SLC27A6: variants seen among roughly 807,000 people sequenced by gnomAD.
SLC27A6 encodes the protein long-chain fatty acid transport protein 6.
Under a neutral mutation model 63.9 loss-of-function variants are expected in SLC27A6, and 74 were observed. The ratio of observed to expected loss-of-function variants is 1.16; its 90% CI spans 0.96 to 1.40. The LOEUF (loss-of-function observed/expected upper bound fraction) is 1.40, where lower values mean the gene tolerates loss of function less well. Among genes scored for constraint, SLC27A6 ranks in the 40% most tolerant of loss-of-function variants. The pLI is 0.00. For missense variants in SLC27A6, 794 were observed against 732.9 expected (o/e 1.08, Z -0.96); for synonymous variants, 287 against 260.8 (o/e 1.10, Z -0.97).
chr5:128,996,374 A>G (rs12173089), intron 4 of SLC27A6, among the ~76,000 whole-genome samples: 1 of 152,048 alleles, frequency 6.6e-6, no homozygotes, highest in Non-Finnish European at 1.5e-5. Context: ...GCCAGAAAAC[A>G]TCCTTATGAT....
chr5:129,029,822 G>A (rs1752360628), intron 9 of SLC27A6, 115 bp downstream of exon 9: 3 of 920,108 alleles, frequency 3.3e-6, no homozygotes, highest in Admixed American at 5.8e-5. Flanking sequence ...GAGAGGCGTG[G>A]CGTGTAGAGT....
At chr5:128,977,936 G>A (rs10038006) in intron 1 of SLC27A6, among the ~76,000 whole-genome samples, 45,059 of 151,966 alleles carry the variant, frequency 0.3, 6,986 homozygotes, top group African/African-American at 0.32. Flanking sequence ...TCAGTAGATG[G>A]TAATCTTGGC....
chr5:128,992,043 C>A (rs1751000572), intron 4 of SLC27A6, among the ~76,000 whole-genome samples: 1 of 151,116 alleles, frequency 6.6e-6, no homozygotes, highest in East Asian at 1.9e-4. Context: ...AATTATTTAT[C>A]TTTTATTATC....
At chr5:129,002,382 C>T (rs538128785) in intron 4 of SLC27A6, among the ~76,000 whole-genome samples, 4 of 152,160 alleles carry the variant, frequency 2.6e-5, no homozygotes, top group African/African-American at 7.2e-5. Context: ...GGAACAGGAT[C>T]GGTAAATAGA....
At chr5:128,977,566 CT>C (rs1750432331) in intron 1 of SLC27A6, among the ~76,000 whole-genome samples, 1 of 152,220 alleles carries the variant, frequency 6.6e-6, no homozygotes, top group East Asian at 1.9e-4. Context: ...AAGGTAAGCC[CT>C]TCAGGCTTTT....
At position 128,966,503 on chromosome 5, in the gene SLC27A6, G is replaced by T; in HGVS notation, c.366G>T (p.Trp122Cys). 1.2e-6 allele frequency: 2 copies of T among 1,607,774 alleles called. No individual in the cohort carries two copies. Among genetic ancestry groups the T allele is most frequent in the South Asian group, 1.1e-5 (1 of 89,718 alleles). The change falls in exon 1 of 10, where the codon TGG becomes TGT. Residue 122 changes from tryptophan to cysteine, a missense_variant. By Grantham distance (215) the Trp-to-Cys change is radical. Transcript: ENST00000262462. Reference sequence around the variant, plus strand: ...ATGAGCCGGACTTCGTTCACGTGTGGTTCGGCCTCGCCAAGCTGGGCTGCG... The same window carrying T: ...ATGAGCCGGACTTCGTTCACGTGTGTTTCGGCCTCGCCAAGCTGGGCTGCG... Reference protein sequence around the residue: ...MSNEPDFVHVWFGLAKLGCVV... With the variant: ...MSNEPDFVHVCFGLAKLGCVV...
intron 5 of SLC27A6, among the ~76,000 whole-genome samples, chr5:129,017,387 A>T (rs2150150659): frequency 6.6e-6 from 1 of 152,284 alleles, no homozygotes; most frequent in Non-Finnish European, 1.5e-5. Context: ...ACTATGAGCT[A>T]AATCATAAAG....
At chr5:128,981,299 G>A (rs1308274221) in intron 1 of SLC27A6, among the ~76,000 whole-genome samples, 3 of 152,082 alleles carry the variant, frequency 2.0e-5, no homozygotes, top group African/African-American at 7.2e-5. Context: ...GGCCAACATG[G>A]TAAAAACCCC....
chr5:128,973,442 C>A (rs894265893), intron 1 of SLC27A6, among the ~76,000 whole-genome samples: 4 of 152,204 alleles, frequency 2.6e-5, no homozygotes, highest in African/African-American at 9.6e-5. Flanking sequence ...TTCGATCTTC[C>A]GCACTGCTTT....
chr5:128,984,028 C>T (rs1248293997), intron 1 of SLC27A6, among the ~76,000 whole-genome samples: 1 of 152,036 alleles, frequency 6.6e-6, no homozygotes, highest in Non-Finnish European at 1.5e-5. Context: ...CTCAGAAATC[C>T]CTTGAACCTT....
intron 2 of SLC27A6, among the ~76,000 whole-genome samples, chr5:128,988,134 A>G (rs954605416): frequency 2.0e-5 from 3 of 152,220 alleles, no homozygotes; most frequent in Non-Finnish European, 4.4e-5. Flanking sequence ...TTATAGAGCA[A>G]TGCCTTCAAA....
chr5:129,001,480 A>C (rs1399558483), intron 4 of SLC27A6, among the ~76,000 whole-genome samples: 1 of 152,196 alleles, frequency 6.6e-6, no homozygotes, highest in Non-Finnish European at 1.5e-5. Context: ...TGTTGGTGTG[A>C]CACATGTATA....
intron 9 of SLC27A6, among the ~76,000 whole-genome samples, chr5:129,030,837 C>T (rs182838617): frequency 5.9e-5 from 9 of 151,900 alleles, no homozygotes; most frequent in Admixed American, 2.0e-4. Flanking sequence ...TATATGTGTG[C>T]GTATATTTTC....
Position 128,965,991 on chromosome 5 carries a change from C to T in SLC27A6, c.-147C>T. 1 of 882,354 alleles carries T rather than the reference C, an allele frequency of 1.1e-6. No homozygotes were observed. Among genetic ancestry groups the T allele is most frequent in the Non-Finnish European group, 1.6e-6 (1 of 623,378 alleles). The allele number at this position is 882,354 out of a possible 1,614,324, so 54.7% of individuals were successfully genotyped here. On this transcript the variant is annotated 5_prime_UTR_variant, in exon 1 of 10. Coordinates refer to ENST00000262462, the MANE Select transcript of SLC27A6 (RefSeq NM_001017372.3). Reference sequence around the variant, plus strand: ...TCTGTTTCTCAGGATTCCTCCCCATCCCGCTTCGCCCCGGAAAAGCTGACA... The same window carrying T: ...TCTGTTTCTCAGGATTCCTCCCCATTCCGCTTCGCCCCGGAAAAGCTGACA...
chr5:129,010,238 G>T (rs1307443980), intron 4 of SLC27A6, among the ~76,000 whole-genome samples: 2 of 152,054 alleles, frequency 1.3e-5, no homozygotes, highest in East Asian at 1.9e-4. Flanking sequence ...TTGTTTTGAG[G>T]TATAGCAGTA....
rs1381717999 is a variant in SLC27A6 at position 128,998,135 on chromosome 5, A to G, written c.969+7671A>G. ...ATCTCTACAAAAAAAAAAAAAAAAA[A>G]AAAATTAGCCAGGGGTGGTGATGTA... is the stretch of plus-strand genomic sequence containing the variant. On this transcript the variant is annotated intron_variant, in intron 4 of 9. Transcript: ENST00000262462. Among the ~76,000 whole-genome samples the G allele has an allele frequency of 5.3e-5, 8 of 151,410 alleles. No individual in the cohort carries two copies. The South Asian group carries it at 1.7e-3, about 31-fold the overall frequency.
In SLC27A6 at chr5:128,966,015, C is replaced by G. The variant is rs550739107; in HGVS notation, c.-123C>G. On this transcript the variant is annotated 5_prime_UTR_variant, in exon 1 of 10. Transcript: ENST00000262462. ...TCCCGCTTCGCCCCGGAAAAGCTGACAAGAACTTCAGGTGTAAGCCCTGAG... is the reference window on the plus strand; with the variant it reads ...TCCCGCTTCGCCCCGGAAAAGCTGAGAAGAACTTCAGGTGTAAGCCCTGAG... 1.7e-6 allele frequency: 2 copies of G among 1,190,122 alleles called. No individual in the cohort carries two copies. The highest frequency in any genetic ancestry group is 2.9e-5 in the Admixed American group (1 of 34,198). 73.7% of individuals were successfully genotyped at this position (1,190,122 alleles called of 1,614,324 possible).
Position 129,015,874 on chromosome 5 carries a change from T to C in SLC27A6, c.970-11T>C, listed in dbSNP as rs1751873241. 6.4e-7 allele frequency: 1 copy of C among 1,555,254 alleles called. No individual in the cohort carries two copies. Among genetic ancestry groups the C allele is most frequent in the South Asian group, 1.2e-5 (1 of 80,262 alleles). On this transcript the variant is annotated splice_polypyrimidine_tract_variant and intron_variant, in intron 4 of 9. Transcript: ENST00000262462. ...GGAACTAATTACAAGTAAAACATTTTCTTCTAACAGAGAGAAGGAGAAAAG... is the reference window on the plus strand; with the variant it reads ...GGAACTAATTACAAGTAAAACATTTCCTTCTAACAGAGAGAAGGAGAAAAG...
chr5:128,974,170 C>G (rs1314797152), intron 1 of SLC27A6, among the ~76,000 whole-genome samples: 3 of 152,176 alleles, frequency 2.0e-5, no homozygotes, highest in African/African-American at 7.2e-5. Context: ...TTTCTGTTGA[C>G]CGAATTGTTG....
Sources: allele counts gnomAD v4.1 joint callset (sites outside exome capture counted in the v4.1 genomes callset), GRCh38; gene constraint gnomAD v4.1.1; transcripts MANE v1.5; gene names NCBI Gene and HGNC (gene_info 2026-07-23, HGNC 2026-07-21).